The following CSMD2 variants were observed in gnomAD, a reference collection of about 807,000 sequenced individuals.
CSMD2 encodes CUB and sushi domain-containing protein 2.
In CSMD2, 130 loss-of-function variants were observed where a neutral mutation model predicts 398.5. The ratio of observed to expected loss-of-function variants is 0.33; its 90% CI spans 0.28 to 0.38. CSMD2 has a LOEUF of 0.38. CSMD2 is among the 10% of genes least tolerant of loss of function. The pLI, the probability that CSMD2 is intolerant of heterozygous loss-of-function variation, is 1.00. For synonymous variants in CSMD2, 1,828 were observed against 1,908.5 expected, an observed-to-expected ratio of 0.96 and a Z score of 1.10; for missense variants, 3,829 against 4,764.9, an observed-to-expected ratio of 0.80 and a Z score of 5.78.
chr1:34,048,276 T>G (rs543664289), intron 2 of CSMD2, among the ~76,000 whole-genome samples: 1 of 152,280 alleles, frequency 6.6e-6, no homozygotes, highest in African/African-American at 2.4e-5. Context: ...TAAATCAGGC[T>G]TAGTGACATC....
chr1:33,706,877 G>A (rs940334173), intron 22 of CSMD2, among the ~76,000 whole-genome samples: 1 of 140,312 alleles, frequency 7.1e-6, no homozygotes, highest in African/African-American at 3.1e-5. Context: ...GTGTGTGCAT[G>A]TGTTTGTGTA....
intron 3 of CSMD2, among the ~76,000 whole-genome samples, chr1:34,008,123 T>C (rs1014742041): frequency 1.3e-5 from 2 of 152,244 alleles, no homozygotes; most frequent in Non-Finnish European, 2.9e-5. Flanking sequence ...CATCTGTCAC[T>C]GGCTCCAACT....
chr1:33,941,849 A>G (rs996986399), intron 3 of CSMD2, among the ~76,000 whole-genome samples: 1 of 151,804 alleles, frequency 6.6e-6, no homozygotes, highest in Admixed American at 6.6e-5. Flanking sequence ...CATGAGATAT[A>G]TAATTATACA....
Position 33,537,529 on chromosome 1 carries a change from A to G in CSMD2, c.9712T>C (p.Phe3238Leu). The change falls in exon 61 of 71, where the codon TTC becomes CTC. Residue 3238 changes from phenylalanine to leucine, a missense_variant. This residue lies in a region of CSMD2 where 917 missense variants were observed against 1,199.5 expected (regional missense o/e 0.76). Transcript: ENST00000373381. The surrounding 1 kb of genome is among the most constrained non-coding windows in gnomAD (Gnocchi z 4.6). Reference sequence around the variant, plus strand: ...AGCACCAGAGGGGGATGGCAGGAGAAGGAGACAGATGACCTGTAGGAGAAG... The same window carrying G: ...AGCACCAGAGGGGGATGGCAGGAGAGGGAGACAGATGACCTGTAGGAGAAG... Reference protein sequence around the residue: ...RGFSYRSSVSFSCHPPLVLVG... With the variant: ...RGFSYRSSVSLSCHPPLVLVG... The G allele has an allele frequency of 6.2e-7, 1 of 1,614,222 alleles. No individual in the cohort carries two copies. The highest frequency in any genetic ancestry group is 8.5e-7 in the Non-Finnish European group (1 of 1,180,032).
chr1:33,636,508 G>A lies in CSMD2; in HGVS notation c.4821C>T (p.Gly1607=). The A allele has an allele frequency of 6.2e-7, 1 of 1,614,156 alleles. No homozygotes were observed. Among genetic ancestry groups the A allele is most frequent in the South Asian group, 1.1e-5 (1 of 91,078 alleles). The part of the protein sequence containing the change: ...SCFDPGSIKN[G]TRVGSDLKLG... ...GCTTCAGGTCGGACCCCACCCGTGTGCCGTTCTTGATGGAACCAGGATCAA... is the reference window on the plus strand; with the variant it reads ...GCTTCAGGTCGGACCCCACCCGTGTACCGTTCTTGATGGAACCAGGATCAA... The change falls in exon 30 of 71, where the codon GGC becomes GGT. Residue 1607 remains glycine (G), a synonymous_variant. Transcript: ENST00000373381. The surrounding 1 kb of genome is among the most constrained non-coding windows in gnomAD (Gnocchi z 4.8).
chr1:33,991,300 C>T (rs2884533), intron 3 of CSMD2, among the ~76,000 whole-genome samples: 1,727 of 152,310 alleles, frequency 0.011, 33 homozygotes, highest in African/African-American at 0.038. Context: ...AGCCACCTCC[C>T]ATGGCTGTGT....
chr1:34,067,867 T>TA (rs1237040870), intron 2 of CSMD2, among the ~76,000 whole-genome samples: 1 of 152,212 alleles, frequency 6.6e-6, no homozygotes, highest in Non-Finnish European at 1.5e-5. Context: ...GGCTCCCACT[T>TA]ACAATATGTG....
At chr1:33,647,290 T>C (rs1643507544) in intron 28 of CSMD2, among the ~76,000 whole-genome samples, 1 of 152,138 alleles carries the variant, frequency 6.6e-6, no homozygotes, top group South Asian at 2.1e-4. Context: ...CCTGTTACCA[T>C]GAAGGACCCT....
At chr1:33,892,474 T>C (rs1364777905) in intron 5 of CSMD2, among the ~76,000 whole-genome samples, 1 of 152,112 alleles carries the variant, frequency 6.6e-6, no homozygotes, top group East Asian at 1.9e-4. Context: ...CAACCCCCTC[T>C]CAATCTTCTC....
chr1:33,629,964 G>A (rs970703324), intron 32 of CSMD2, among the ~76,000 whole-genome samples: 2 of 151,898 alleles, frequency 1.3e-5, no homozygotes, highest in Non-Finnish European at 2.9e-5. Flanking sequence ...ACTTTGGGAG[G>A]CTGAGGCAGG....
intron 1 of CSMD2, among the ~76,000 whole-genome samples, chr1:34,130,410 A>AAAAAG (rs1663223902): frequency 6.7e-6 from 1 of 149,914 alleles, no homozygotes; most frequent in Non-Finnish European, 1.5e-5. Context: ...AAAAAAAAAA[A>AAAAAG]GTTTGTTGTT....
chr1:33,569,432 G>A lies in CSMD2; in HGVS notation c.8073C>T (p.Ser2691=). The A allele has an allele frequency of 6.2e-7, 1 of 1,614,184 alleles. No individual in the cohort carries two copies. Among genetic ancestry groups the A allele is most frequent in the Non-Finnish European group, 8.5e-7 (1 of 1,180,030 alleles). The part of the protein sequence containing the change: ...SCNSGYTLVG[S]RVRECMANGL... The stretch of plus-strand genomic sequence containing the variant: ...CATTGGCCATGCACTCACGCACCCT[G>A]GAGCCCACCAGTGTGTATCCGGAAT... The change falls in exon 52 of 71, where the codon TCC becomes TCT. Residue 2691 remains serine, a synonymous_variant. Coordinates refer to ENST00000373381, the MANE Select transcript of CSMD2 (RefSeq NM_001281956.2).
At chr1:34,046,871 T>C (rs565229820) in intron 2 of CSMD2, among the ~76,000 whole-genome samples, 1 of 152,326 alleles carries the variant, frequency 6.6e-6, no homozygotes, top group South Asian at 2.1e-4. Flanking sequence ...TTAATTTATC[T>C]AGAAATCCAG....
intron 20 of CSMD2, 28 bp from the exon 21 acceptor site, chr1:33,714,803 C>A: frequency 6.2e-7 from 1 of 1,610,194 alleles, no homozygotes; most frequent in Non-Finnish European, 8.5e-7. Flanking sequence ...GATCCGGGCT[C>A]AGAGACATTG....
chr1:33,674,858 A>T (rs1410836933), intron 25 of CSMD2, among the ~76,000 whole-genome samples: 1 of 152,252 alleles, frequency 6.6e-6, no homozygotes, highest in South Asian at 2.1e-4. Context: ...CTGAATGACT[A>T]CTGGGTACAT....
At chr1:33,545,980 CA>C (rs2148612950) in intron 57 of CSMD2, 56 bp downstream of exon 57, 1 of 1,529,252 alleles carries the variant, frequency 6.5e-7, no homozygotes, top group Non-Finnish European at 8.9e-7. Flanking sequence ...AGAGCAGGAG[CA>C]GGGGCGAGCT....
intron 1 of CSMD2, among the ~76,000 whole-genome samples, chr1:34,098,409 A>G (rs994171760): frequency 6.6e-6 from 1 of 150,488 alleles, no homozygotes; most frequent in Non-Finnish European, 1.5e-5. Flanking sequence ...AACTTAAAGT[A>G]TAATAATAAA....
chr1:33,570,357 A>G (rs1304268811), intron 51 of CSMD2, among the ~76,000 whole-genome samples: 1 of 143,598 alleles, frequency 7.0e-6, no homozygotes. Context: ...TTTTTTTAGT[A>G]GAGACAGGGT....
intron 17 of CSMD2, 132 bp from the exon 18 acceptor site, chr1:33,724,836 T>A: frequency 2.5e-6 from 2 of 812,784 alleles, no homozygotes; most frequent in Non-Finnish European, 3.8e-6. Context: ...ACTCATGAAA[T>A]GTGGCCGTCA....
Sources: allele counts gnomAD v4.1 joint callset (sites outside exome capture counted in the v4.1 genomes callset), GRCh38; gene constraint gnomAD v4.1.1; regional missense constraint gnomAD v4.1.1; non-coding constraint Gnocchi (gnomAD v3.1); transcripts MANE v1.5; gene names NCBI Gene and HGNC (gene_info 2026-07-23, HGNC 2026-07-21).